The following SRPK2 variants were observed in gnomAD, a reference collection of about 807,000 sequenced individuals.
SRPK2 encodes SRSF protein kinase 2, also known as SFRS protein kinase 2.
In SRPK2, 21 loss-of-function variants were observed where a neutral mutation model predicts 90.8. The observed-to-expected ratio is 0.23, with a 90% confidence interval of 0.16 to 0.33. The LOEUF is 0.33. Among genes scored for constraint, SRPK2 ranks in the 10% least tolerant of loss-of-function variants. The pLI is 1.00. For missense variants in SRPK2, 620 were observed against 869.0 expected (o/e 0.71, Z 3.60); for synonymous variants, 288 against 311.1 (o/e 0.93, Z 0.78).
chr7:105,215,424 C>A (rs4730073), intron 2 of SRPK2, among the ~76,000 whole-genome samples: 105,001 of 152,086 alleles, frequency 0.69, 36,528 homozygotes, highest in South Asian at 0.76. Flanking sequence ...CCAGTTTGGA[C>A]AACAGTCTAG....
rs1192482450 is a variant in SRPK2, at chr7:105,237,088, G to C, written c.72-33303C>G. Among the ~76,000 whole-genome samples, 6 of 152,290 alleles carry C rather than the reference G, an allele frequency of 3.9e-5. No homozygotes were observed. In the East Asian group the frequency reaches 1.2e-3, roughly 29 times the overall value. On this transcript the variant is annotated intron_variant, in intron 2 of 15. Coordinates refer to ENST00000393651, the MANE Select transcript of SRPK2 (RefSeq NM_182692.3). ...GAATGCCATACATGACCAGCTTTCT[G>C]AAAGATGACTAGAAACCCAAGATAC...
intron 8 of SRPK2, among the ~76,000 whole-genome samples, chr7:105,146,246 A>C (rs1804614155): frequency 6.6e-6 from 1 of 152,262 alleles, no homozygotes; most frequent in Non-Finnish European, 1.5e-5. Flanking sequence ...AAACTGTTCA[A>C]ATATAGATGA....
chr7:105,335,190 A>G (rs1281205614), intron 2 of SRPK2, among the ~76,000 whole-genome samples: 1 of 152,164 alleles, frequency 6.6e-6, no homozygotes, highest in East Asian at 1.9e-4. Context: ...AATAAATAAC[A>G]CTACTTATTA....
intron 2 of SRPK2, among the ~76,000 whole-genome samples, chr7:105,356,196 T>C (rs766308454): frequency 1.3e-5 from 2 of 152,178 alleles, no homozygotes; most frequent in South Asian, 4.1e-4. Context: ...TTGAAGCTTA[T>C]AGGAGAAAGC....
chr7:105,308,398 T>C (rs1042059135), intron 2 of SRPK2, among the ~76,000 whole-genome samples: 1 of 152,188 alleles, frequency 6.6e-6, no homozygotes, highest in African/African-American at 2.4e-5. Flanking sequence ...GTTCAGGCAG[T>C]TGTTATTTAT....
chr7:105,129,220 C>T (rs1801641360), intron 13 of SRPK2, among the ~76,000 whole-genome samples: 1 of 152,140 alleles, frequency 6.6e-6, no homozygotes, highest in Admixed American at 6.5e-5. Context: ...AGGCGTGAGC[C>T]ACCAAGCCCG....
intron 11 of SRPK2, among the ~76,000 whole-genome samples, chr7:105,137,814 A>C (rs958162278): frequency 1.5e-5 from 2 of 129,630 alleles, no homozygotes; most frequent in African/African-American, 2.9e-5. Context: ...TCTGCCCTAA[A>C]GTCAGGATCT....
At chr7:105,391,814 A>C (rs1186199084), upstream of SRPK2, among the ~76,000 whole-genome samples, 1 of 152,238 alleles carries the variant, frequency 6.6e-6, no homozygotes, top group Non-Finnish European at 1.5e-5. Context: ...TTGGCTTCTC[A>C]GAAAGCTAAT....
intron 2 of SRPK2, among the ~76,000 whole-genome samples, chr7:105,350,979 G>A (rs796497466): frequency 2.6e-5 from 4 of 152,246 alleles, no homozygotes; most frequent in African/African-American, 9.6e-5. Flanking sequence ...ACCACCCTGT[G>A]ATATGATTTG....
chr7:105,367,340 G>A (rs539618420), intron 2 of SRPK2, among the ~76,000 whole-genome samples: 134 of 152,160 alleles, frequency 8.8e-4, no homozygotes, highest in Admixed American at 5.0e-3. Context: ...TTGGCTCACC[G>A]CAACCTCGGC....
intron 3 of SRPK2, among the ~76,000 whole-genome samples, chr7:105,199,332 G>A (rs967553997): frequency 6.6e-6 from 1 of 152,122 alleles, no homozygotes; most frequent in African/African-American, 2.4e-5. Flanking sequence ...AGGAAACTGA[G>A]AAGTAATTGA....
chr7:105,365,617 G>A (rs954914799), intron 2 of SRPK2, among the ~76,000 whole-genome samples: 1 of 150,928 alleles, frequency 6.6e-6, no homozygotes, highest in Non-Finnish European at 1.5e-5. Context: ...GGGCAACACA[G>A]GGAGACTGAG....
intron 2 of SRPK2, among the ~76,000 whole-genome samples, chr7:105,259,439 G>A (rs547428859): frequency 1.6e-4 from 24 of 152,282 alleles, no homozygotes; most frequent in African/African-American, 4.3e-4. Context: ...AATCAATATC[G>A]TGAAAATGGC....
intron 7 of SRPK2, among the ~76,000 whole-genome samples, chr7:105,149,659 T>A (rs566951774): frequency 7.2e-4 from 110 of 152,176 alleles, no homozygotes; most frequent in East Asian, 1.5e-3. Context: ...GGCAGGCCAC[T>A]CCTTCAATCC....
At chr7:105,313,619 C>T (rs1199100926) in intron 2 of SRPK2, among the ~76,000 whole-genome samples, 1 of 151,614 alleles carries the variant, frequency 6.6e-6, no homozygotes, top group African/African-American at 2.4e-5. Flanking sequence ...GGTGTGGCGT[C>T]GTGGACCTGT....
chr7:105,300,028 G>C (rs1206321115), intron 2 of SRPK2, among the ~76,000 whole-genome samples: 2 of 151,938 alleles, frequency 1.3e-5, no homozygotes, highest in Non-Finnish European at 2.9e-5. Flanking sequence ...AATTCTTTAT[G>C]CTTCAACTTA....
At chr7:105,259,482 C>T (rs890868386) in intron 2 of SRPK2, among the ~76,000 whole-genome samples, 1 of 152,142 alleles carries the variant, frequency 6.6e-6, no homozygotes, top group African/African-American at 2.4e-5. Flanking sequence ...AGATTCAATG[C>T]CATCCCCATC....
chr7:105,185,594 A>AATGAATT (rs1793477364), intron 3 of SRPK2, among the ~76,000 whole-genome samples: 2 of 152,088 alleles, frequency 1.3e-5, no homozygotes, highest in East Asian at 3.8e-4. Context: ...ATTCTAAACT[A>AATGAATT]CTCTAATGAA....
intron 2 of SRPK2, among the ~76,000 whole-genome samples, chr7:105,265,364 T>C (rs1174060229): frequency 2.0e-5 from 3 of 152,202 alleles, no homozygotes; most frequent in African/African-American, 4.8e-5. Context: ...TTTTAAAACA[T>C]ATGGGACGAA....
Sources: gnomAD v4.1 joint callset for allele counts (sites outside exome capture counted in the v4.1 genomes callset) on GRCh38, gnomAD v4.1.1 for gene constraint, MANE v1.5 for transcripts, NCBI Gene and HGNC (gene_info 2026-07-23, HGNC 2026-07-21) for gene names.